Variants in SUDS3 observed in about 807,000 individuals in gnomAD.
SUDS3 encodes the protein SIN3A corepressor complex component SDS3, also known as sin3 histone deacetylase corepressor complex component SDS3.
A neutral mutation model predicts 53.5 loss-of-function variants in SUDS3; 23 were observed. The ratio of observed to expected loss-of-function variants is 0.43; its 90% CI spans 0.31 to 0.61. The LOEUF is 0.61. SUDS3 is among the 20% of genes least tolerant of loss of function. The pLI, the probability that SUDS3 is intolerant of heterozygous loss-of-function variation, is 0.10. For synonymous variants in SUDS3, 150 were observed against 148.5 expected (o/e 1.01, Z -0.08); for missense variants, 291 against 405.9 (o/e 0.72, Z 2.43).
Position 118,405,620 on chromosome 12 carries a change from G to T in SUDS3, c.803+2103G>T, listed in dbSNP as rs1275379941. On this transcript the variant is annotated intron_variant, in intron 10 of 11. Transcript: ENST00000543473. ...TTGTTAAATATACTTTGAGAATGTT[G>T]TTTTTTTTCTCTATTCTGTATACTT... Among the ~76,000 whole-genome samples, 5 of 151,960 alleles carry T rather than the reference G, an allele frequency of 3.3e-5. No homozygotes were observed. In the South Asian group the frequency reaches 1.0e-3, roughly 32 times the overall value.
At chr12:118,405,511 T>G (rs1169745299) in intron 10 of SUDS3, among the ~76,000 whole-genome samples, 2 of 152,252 alleles carry the variant, frequency 1.3e-5, no homozygotes, top group African/African-American at 4.8e-5. Flanking sequence ...TTCACCATCT[T>G]TCTTACATTA....
chr12:118,382,915 G>A (rs914608761), intron 2 of SUDS3, among the ~76,000 whole-genome samples: 3 of 151,786 alleles, frequency 2.0e-5, no homozygotes, highest in South Asian at 4.2e-4. Context: ...TGATCCACCC[G>A]CCTCGGCCTC....
chr12:118,380,100 C>A, intron 1 of SUDS3, 62 bp from the exon 2 acceptor site: 1 of 1,346,698 alleles, frequency 7.4e-7, no homozygotes, highest in South Asian at 1.2e-5. Context: ...TACTCTGTGT[C>A]AGGTGACGCC....
intron 7 of SUDS3, 126 bp from the exon 8 acceptor site, chr12:118,401,633 T>A: frequency 1.2e-6 from 1 of 800,276 alleles, no homozygotes; most frequent in Non-Finnish European, 2.1e-6. Context: ...AGAAGCAAAC[T>A]GTTACTGTAG....
intron 4 of SUDS3, among the ~76,000 whole-genome samples, chr12:118,387,613 G>C (rs1160298414): frequency 6.6e-6 from 1 of 151,370 alleles, no homozygotes; most frequent in Admixed American, 6.6e-5. Context: ...GTGTGGTGGC[G>C]CTATCTCAGC....
intron 6 of SUDS3, among the ~76,000 whole-genome samples, chr12:118,396,969 C>T (rs1020450501): frequency 3.3e-5 from 5 of 152,162 alleles, no homozygotes; most frequent in African/African-American, 1.2e-4. Flanking sequence ...TATTAAAAGT[C>T]ATATTGCAGG....
intron 10 of SUDS3, among the ~76,000 whole-genome samples, chr12:118,410,521 A>T (rs933013355): frequency 2.0e-5 from 3 of 151,950 alleles, no homozygotes; most frequent in Non-Finnish European, 4.4e-5. Flanking sequence ...ATCCCAAAGA[A>T]GATTAGGTGG....
intron 11 of SUDS3, among the ~76,000 whole-genome samples, chr12:118,413,014 G>GCT (rs1410854054): frequency 1.3e-5 from 2 of 152,186 alleles, no homozygotes; most frequent in African/African-American, 4.8e-5. Context: ...TTGGTGGGTA[G>GCT]CTCTGAGTGT....
intron 10 of SUDS3, among the ~76,000 whole-genome samples, chr12:118,410,571 A>ATTTT (rs1313643228): frequency 4.5e-5 from 6 of 132,298 alleles, no homozygotes; most frequent in African/African-American, 1.9e-4. Context: ...TTATTTATTT[A>ATTTT]TTTATTTATT....
chr12:118,382,982 A>G (rs1277940948), intron 2 of SUDS3, among the ~76,000 whole-genome samples: 2 of 152,042 alleles, frequency 1.3e-5, no homozygotes, highest in Admixed American at 1.3e-4. Flanking sequence ...TTAGTATTTG[A>G]TGATACAGAA....
chr12:118,376,576 G>A lies in SUDS3; in HGVS notation c.-116G>A. The A allele has an allele frequency of 8.2e-7, 1 of 1,225,580 alleles. No homozygotes were observed. Among genetic ancestry groups the A allele is most frequent in the Non-Finnish European group, 1.0e-6 (1 of 974,852 alleles). The allele number at this position is 1,225,580 out of a possible 1,614,324, so 75.9% of individuals were successfully genotyped here. A position where few individuals can be genotyped will look rare whatever the true frequency, so the allele number is the denominator to read the frequency against. The stretch of plus-strand genomic sequence containing the variant: ...CGGCGGAGACGGGGAAGGGGTCGCC[G>A]TGGCTGCCGGTCCTCGAGTTGGGGG... On this transcript the variant is annotated 5_prime_UTR_variant, in exon 1 of 12. The change creates a new upstream start codon in the 5' untranslated region. Transcript: ENST00000543473.
At chr12:118,399,692 G>T (rs747048380) in intron 6 of SUDS3, among the ~76,000 whole-genome samples, 4 of 152,164 alleles carry the variant, frequency 2.6e-5, no homozygotes, top group Admixed American at 6.5e-5. Context: ...TGAACCTCAT[G>T]CCTGGATGAA....
At position 118,414,563 on chromosome 12, in the gene SUDS3, C is replaced by A; in HGVS notation, c.*130C>A. The stretch of plus-strand genomic sequence containing the variant: ...TACTCAGCCTTGGAAATGGAGAGCA[C>A]TGCAGTGAATTCTTTAGGGCACTTT... On this transcript the variant is annotated 3_prime_UTR_variant, in exon 12 of 12. Coordinates refer to ENST00000543473, the MANE Select transcript of SUDS3 (RefSeq NM_022491.3). The A allele has an allele frequency of 1.4e-6, 1 of 728,686 alleles. No homozygotes were observed. Among genetic ancestry groups the A allele is most frequent in the South Asian group, 2.1e-5 (1 of 48,040 alleles). 45.1% of individuals were successfully genotyped at this position (728,686 alleles called of 1,614,324 possible). A position where few individuals can be genotyped will look rare whatever the true frequency, so the allele number is the denominator to read the frequency against.
intron 10 of SUDS3, among the ~76,000 whole-genome samples, chr12:118,406,909 A>T (rs573410460): frequency 8.4e-5 from 10 of 118,454 alleles, no homozygotes; most frequent in Admixed American, 4.9e-4. Flanking sequence ...TTCATTTTTT[A>T]TTTTTTTGAG....
intron 6 of SUDS3, among the ~76,000 whole-genome samples, chr12:118,396,633 T>C (rs934735569): frequency 3.3e-5 from 5 of 152,252 alleles, no homozygotes; most frequent in African/African-American, 1.2e-4. Context: ...TGAGCTTGTT[T>C]TAATAGTTAA....
Position 118,376,918 on chromosome 12 carries a change from G to T in SUDS3, c.142+85G>T, listed in dbSNP as rs2046002547. On this transcript the variant is annotated intron_variant, in intron 1 of 11. Coordinates refer to ENST00000543473, the MANE Select transcript of SUDS3 (RefSeq NM_022491.3). ...TGGGGCTGTTCGGGAGAGGGGCGGG[G>T]CGGCCTCCGGGGCCTGGGGCTGCGT... 5.3e-6 allele frequency: 7 copies of T among 1,329,758 alleles called. No homozygotes were observed. In the South Asian group the frequency reaches 1.0e-4, roughly 20 times the overall value. The allele number at this position is 1,329,758 out of a possible 1,614,324, so 82.4% of individuals were successfully genotyped here.
chr12:118,386,230 C>CA lies in SUDS3; in HGVS notation c.340+45_340+46insA. The CA allele has an allele frequency of 7.4e-6, 11 of 1,478,840 alleles. No homozygotes were observed. In the Admixed American group the frequency reaches 9.6e-5, roughly 13 times the overall value. The allele number at this position is 1,478,840 out of a possible 1,614,324, so 91.6% of individuals were successfully genotyped here. ...CAATGAATCATCTTTCAATGTTTGA[C>CA]CATTTGCCGATCGTCGGTGTAATGC... On this transcript the variant is annotated intron_variant, in intron 4 of 11. Transcript: ENST00000543473.
At chr12:118,394,211 G>C (rs549012756) in intron 6 of SUDS3, among the ~76,000 whole-genome samples, 95 of 152,328 alleles carry the variant, frequency 6.2e-4, no homozygotes, top group South Asian at 3.3e-3. Context: ...GGGGATGATA[G>C]AACCTACTGC....
intron 6 of SUDS3, among the ~76,000 whole-genome samples, chr12:118,399,754 T>C (rs2046247246): frequency 6.6e-6 from 1 of 152,066 alleles, no homozygotes; most frequent in Admixed American, 6.5e-5. Flanking sequence ...GAGGGATAGA[T>C]TGGATGTCCC....
Sources: gnomAD v4.1 joint callset for allele counts (sites outside exome capture counted in the v4.1 genomes callset) on GRCh38, gnomAD v4.1.1 for gene constraint, MANE v1.5 for transcripts, NCBI Gene and HGNC (gene_info 2026-07-23, HGNC 2026-07-21) for gene names.